The following CDH7 variants were observed in gnomAD, a reference collection of about 807,000 sequenced individuals.
The protein encoded by CDH7 is cadherin 7.
In CDH7, 25 loss-of-function variants were observed where a neutral mutation model predicts 71.8. The ratio of observed to expected loss-of-function variants is 0.35; its 90% CI spans 0.25 to 0.49. The LOEUF (loss-of-function observed/expected upper bound fraction) is 0.49, where lower values mean the gene tolerates loss of function less well. CDH7 is among the 20% of genes least tolerant of loss of function. The pLI is 0.99. For missense variants in CDH7, 862 were observed against 974.6 expected (o/e 0.88, Z 1.54); for synonymous variants, 381 against 363.8 (o/e 1.05, Z -0.54).
chr18:65,880,768 A>G lies in CDH7; in HGVS notation c.2232A>G (p.Ser744=). Residue 744 remains serine (S), a synonymous_variant, in exon 12 of 12, where the codon TCA becomes TCG. Coordinates refer to ENST00000397968, the MANE Select transcript of CDH7 (RefSeq NM_004361.5). ...AFEGNGSVAE[S]LSSLDSISSN... is the part of the protein sequence containing the mutation. ...AAGGAAATGGCTCAGTTGCTGAATC[A>G]CTCAGCTCTTTAGATTCCATCAGCT... 6.2e-7 allele frequency: 1 copy of G among 1,614,118 alleles called. No individual in the cohort carries two copies. The highest frequency in any genetic ancestry group is 8.5e-7 in the Non-Finnish European group (1 of 1,180,022).
At chr18:65,773,924 A>T (rs569010284) in intron 2 of CDH7, among the ~76,000 whole-genome samples, 12 of 151,920 alleles carry the variant, frequency 7.9e-5, no homozygotes, top group African/African-American at 2.4e-4. Flanking sequence ...GCATTTTTAC[A>T]CCCCCACACT....
intron 2 of CDH7, among the ~76,000 whole-genome samples, chr18:65,765,689 A>G (rs1916339193): frequency 6.6e-6 from 1 of 152,038 alleles, no homozygotes; most frequent in African/African-American, 2.4e-5. Flanking sequence ...CTATTTGGGT[A>G]ATTTGGAAAA....
At chr18:65,790,290 A>G (rs1473000062) in intron 2 of CDH7, among the ~76,000 whole-genome samples, 3 of 151,480 alleles carry the variant, frequency 2.0e-5, no homozygotes, top group Non-Finnish European at 4.4e-5. Flanking sequence ...TGCATGAAAT[A>G]GTCAAATTCC....
chr18:65,774,042 C>T (rs1217091741), intron 2 of CDH7, among the ~76,000 whole-genome samples: 1 of 152,064 alleles, frequency 6.6e-6, no homozygotes, highest in Non-Finnish European at 1.5e-5. Context: ...TGCTTTTCAG[C>T]ATCCTAAAAT....
chr18:65,759,675 A>G (rs1916136697), intron 1 of CDH7, among the ~76,000 whole-genome samples: 1 of 152,210 alleles, frequency 6.6e-6, no homozygotes, highest in South Asian at 2.1e-4. Flanking sequence ...TAGACTTTAT[A>G]AGATAATTGA....
chr18:65,757,447 G>T (rs948357930), intron 1 of CDH7, among the ~76,000 whole-genome samples: 33 of 151,986 alleles, frequency 2.2e-4, no homozygotes, highest in Non-Finnish European at 4.4e-5. Context: ...ATATTCTGAT[G>T]ATTAAGATCT....
chr18:65,794,204 A>G (rs1386459525), intron 2 of CDH7, among the ~76,000 whole-genome samples: 1 of 151,760 alleles, frequency 6.6e-6, no homozygotes, highest in African/African-American at 2.4e-5. Context: ...ATATAAGATT[A>G]TGGTGTACAT....
In CDH7 at chr18:65,809,969, C is replaced by T. The variant is rs148563266; in HGVS notation, c.476C>T (p.Thr159Met). 100 of 1,611,656 alleles carry T rather than the reference C, an allele frequency of 6.2e-5. No homozygotes were observed. The highest frequency in any genetic ancestry group is 1.6e-4 in the Middle Eastern group (1 of 6,072). Residue 159 changes from threonine to methionine, a missense_variant, in exon 3 of 12, where the codon ACG (threonine) becomes ATG (methionine). Transcript: ENST00000397968. ...CCCAAATTTTTGGATGGCCCATACACGGCAGGAGTTCCCGAAATGTCTCCC... is the reference window on the plus strand; with the variant it reads ...CCCAAATTTTTGGATGGCCCATACATGGCAGGAGTTCCCGAAATGTCTCCC... The part of the protein sequence containing the change: ...NEPKFLDGPY[T>M]AGVPEMSPVG...
chr18:65,788,519 A>G (rs1204825512), intron 2 of CDH7, among the ~76,000 whole-genome samples: 1 of 152,194 alleles, frequency 6.6e-6, no homozygotes, highest in Non-Finnish European at 1.5e-5. Context: ...CATGCTGTGT[A>G]GCGCGAGCAG....
At chr18:65,757,264 C>G (rs147435702) in intron 1 of CDH7, among the ~76,000 whole-genome samples, 27 of 152,164 alleles carry the variant, frequency 1.8e-4, no homozygotes, top group African/African-American at 6.0e-4. Context: ...CTACTTGAAA[C>G]TAATACACTG....
Position 65,880,972 on chromosome 18 carries a change from C to A in CDH7, c.*78C>A. ...AAATAAAATGAAATAAAATAATAAA[C>A]CACTACATACAGAAAACAAGAACTC... On this transcript the variant is annotated 3_prime_UTR_variant, in exon 12 of 12. Transcript: ENST00000397968. 7.3e-7 allele frequency: 1 copy of A among 1,361,862 alleles called. No individual in the cohort carries two copies. Among genetic ancestry groups the A allele is most frequent in the Admixed American group, 2.5e-5 (1 of 40,710 alleles). The allele number at this position is 1,361,862 out of a possible 1,614,324, so 84.4% of individuals were successfully genotyped here.
chr18:65,819,728 A>G (rs1403836414), intron 4 of CDH7, among the ~76,000 whole-genome samples: 1 of 152,054 alleles, frequency 6.6e-6, no homozygotes, highest in African/African-American at 2.4e-5. Flanking sequence ...TGGTTTTGCA[A>G]TATTGAGATT....
chr18:65,789,628 G>T (rs1426018531), intron 2 of CDH7, among the ~76,000 whole-genome samples: 1 of 152,018 alleles, frequency 6.6e-6, no homozygotes, highest in Non-Finnish European at 1.5e-5. Context: ...GTTTATTCCA[G>T]GCAGGATATG....
intron 2 of CDH7, among the ~76,000 whole-genome samples, chr18:65,777,085 G>A (rs1458472395): frequency 6.6e-6 from 1 of 152,110 alleles, no homozygotes; most frequent in Admixed American, 6.6e-5. Flanking sequence ...ATCAGTTTGG[G>A]TAGGCAGGTG....
chr18:65,834,740 A>C (rs1040963112), intron 6 of CDH7, among the ~76,000 whole-genome samples: 1 of 152,208 alleles, frequency 6.6e-6, no homozygotes, highest in Admixed American at 6.5e-5. Context: ...GCTCTTGCTG[A>C]GTTCAAAGAA....
intron 5 of CDH7, among the ~76,000 whole-genome samples, chr18:65,824,097 G>A (rs1178532054): frequency 6.7e-6 from 1 of 148,878 alleles, no homozygotes; most frequent in Non-Finnish European, 1.5e-5. Context: ...GCCCAAATCA[G>A]TTCTACATAC....
intron 2 of CDH7, among the ~76,000 whole-genome samples, chr18:65,782,723 T>C (rs1202480410): frequency 6.6e-6 from 1 of 152,200 alleles, no homozygotes; most frequent in East Asian, 1.9e-4. Context: ...TGTGTTTCTG[T>C]GTAATTTAAT....
At chr18:65,772,011 G>C (rs1357039008) in intron 2 of CDH7, among the ~76,000 whole-genome samples, 1 of 152,164 alleles carries the variant, frequency 6.6e-6, no homozygotes, top group African/African-American at 2.4e-5. Context: ...CAAGTTGTGT[G>C]TGTAAACAGT....
chr18:65,808,626 C>A (rs1911412543), intron 2 of CDH7, among the ~76,000 whole-genome samples: 1 of 152,032 alleles, frequency 6.6e-6, no homozygotes, highest in Admixed American at 6.6e-5. Context: ...AGGCAATGTC[C>A]TCAACAGCTA....
Sources: gnomAD v4.1 joint callset for allele counts (sites outside exome capture counted in the v4.1 genomes callset) on GRCh38, gnomAD v4.1.1 for gene constraint, MANE v1.5 for transcripts, NCBI Gene and HGNC (gene_info 2026-07-23, HGNC 2026-07-21) for gene names.